Variants in MCC observed in about 807,000 individuals in gnomAD.
MCC encodes colorectal mutant cancer protein.
In MCC, 90 loss-of-function variants were observed where a neutral mutation model predicts 116.2. The ratio of observed to expected loss-of-function variants is 0.77; its 90% CI spans 0.65 to 0.92. The LOEUF (loss-of-function observed/expected upper bound fraction) is 0.92, where lower values mean the gene tolerates loss of function less well. Among genes scored for constraint, MCC ranks in the 40% least tolerant of loss-of-function variants. MCC has a pLI of 0.00. For synonymous variants in MCC, 578 were observed against 510.5 expected (o/e 1.13, Z -1.78); for missense variants, 1,516 against 1,312.2 (o/e 1.16, Z -2.40).
chr5:113,076,181 G>C (rs2150237872), intron 11 of MCC, among the ~76,000 whole-genome samples: 1 of 152,320 alleles, frequency 6.6e-6, no homozygotes, highest in Admixed American at 6.5e-5. Flanking sequence ...ATCTACATCT[G>C]ATTGGTGGAC....
intron 8 of MCC, among the ~76,000 whole-genome samples, chr5:113,087,784 T>A (rs200508879): frequency 4.0e-4 from 55 of 139,184 alleles, no homozygotes; most frequent in Non-Finnish European, 5.9e-4. Flanking sequence ...TTTTTTTTTT[T>A]TATATCTCTA....
chr5:113,045,844 C>T (rs1328113684), intron 16 of MCC, among the ~76,000 whole-genome samples: 1 of 151,886 alleles, frequency 6.6e-6, no homozygotes, highest in Non-Finnish European at 1.5e-5. Flanking sequence ...AGAACACAGC[C>T]ATGGCCACTG....
chr5:113,287,866 TTAAGA>T lies in MCC; in HGVS notation c.627+52648_627+52652del, dbSNP rs539473996. On this transcript the variant is annotated intron_variant, in intron 3 of 18. Coordinates refer to ENST00000408903, the MANE Select transcript of MCC (RefSeq NM_001085377.2). ...TAGCAACTACCTCTAAGGTGCTTCC[TTAAGA>T]TAAGAAGTCTTGGGACTTAAAAGCT... Among the ~76,000 whole-genome samples the T allele has an allele frequency of 5.3e-4, 81 of 152,360 alleles. No individual in the cohort carries two copies. The South Asian group carries it at 8.9e-3, about 17-fold the overall frequency.
At chr5:113,242,427 A>C (rs1299072075) in intron 3 of MCC, among the ~76,000 whole-genome samples, 1 of 152,224 alleles carries the variant, frequency 6.6e-6, no homozygotes, top group African/African-American at 2.4e-5. Context: ...GAATCTGAAG[A>C]GATTCAGATA....
At chr5:113,276,855 T>C (rs1313107830) in intron 3 of MCC, among the ~76,000 whole-genome samples, 2 of 149,036 alleles carry the variant, frequency 1.3e-5, no homozygotes, top group East Asian at 3.9e-4. Flanking sequence ...CCGAGGCTGG[T>C]CTACACTCCT....
At chr5:113,045,274 T>G (rs986857381) in intron 16 of MCC, among the ~76,000 whole-genome samples, 1 of 152,134 alleles carries the variant, frequency 6.6e-6, no homozygotes, top group Admixed American at 6.5e-5. Flanking sequence ...TGGATAAGAT[T>G]TGGAATCCAG....
At chr5:113,443,165 C>CTT (rs112779743) in intron 1 of MCC, among the ~76,000 whole-genome samples, 17,474 of 151,920 alleles carry the variant, frequency 0.12, 1,725 homozygotes, top group African/African-American at 0.27. Context: ...TGTGTCCTCT[C>CTT]ATTTCCTTGA....
chr5:113,436,150 T>G (rs1177983084), intron 1 of MCC: 1 of 152,506 alleles, frequency 6.6e-6, no homozygotes, highest in African/African-American at 2.4e-5. Flanking sequence ...TCAGGCTGGG[T>G]TGGGTCACCA....
intron 3 of MCC, among the ~76,000 whole-genome samples, chr5:113,169,741 G>GA (rs1760976823): frequency 6.6e-6 from 1 of 152,126 alleles, no homozygotes. Context: ...GATGACCTGG[G>GA]AAAAAAACAG....
At chr5:113,194,695 G>C (rs1762311522) in intron 3 of MCC, among the ~76,000 whole-genome samples, 1 of 152,002 alleles carries the variant, frequency 6.6e-6, no homozygotes, top group Non-Finnish European at 1.5e-5. Flanking sequence ...AAAGAAGAAA[G>C]GGGAAGGGAA....
chr5:113,102,398 A>G (rs1756477464), intron 7 of MCC, among the ~76,000 whole-genome samples: 1 of 152,222 alleles, frequency 6.6e-6, no homozygotes, highest in African/African-American at 2.4e-5. Context: ...GGCCTCCCAC[A>G]TGCCAACTCA....
chr5:113,348,312 G>A (rs1768182140), intron 2 of MCC, among the ~76,000 whole-genome samples: 1 of 151,872 alleles, frequency 6.6e-6, no homozygotes, highest in East Asian at 1.9e-4. Flanking sequence ...TATATTTTAG[G>A]TCACAAAGCA....
chr5:113,488,159 T>G, intron 1 of MCC, 86 bp downstream of exon 1: 1 of 1,326,388 alleles, frequency 7.5e-7, no homozygotes, highest in Non-Finnish European at 9.9e-7. Flanking sequence ...TTGCCGCAAG[T>G]TGGGGCGAGG....
chr5:113,261,453 G>A (rs1229933513), intron 3 of MCC, among the ~76,000 whole-genome samples: 1 of 152,110 alleles, frequency 6.6e-6, no homozygotes, highest in Non-Finnish European at 1.5e-5. Flanking sequence ...TGTGCTTCAA[G>A]AAGTTTGCCC....
At position 113,340,596 on chromosome 5, in the gene MCC, C is replaced by G. The variant is rs1026962889; in HGVS notation, c.550G>C (p.Ala184Pro). The change falls in exon 3 of 19, where the codon GCT (alanine) becomes CCT (proline). Residue 184 changes from alanine to proline, a missense_variant. Transcript: ENST00000408903. ...YGGSSLHQQA[A>P]LHKLLTQSPH... is the part of the protein sequence containing the mutation. ...GACTGTGTGAGCAGTTTGTGGAGAG[C>G]AGCCTGCTGATGCAAAGAGCTTCCG... The G allele has an allele frequency of 6.2e-6, 10 of 1,614,152 alleles. No homozygotes were observed. Among genetic ancestry groups the G allele is most frequent in the Non-Finnish European group, 8.5e-6 (10 of 1,180,026 alleles).
chr5:113,479,653 T>A (rs1772324001), intron 1 of MCC, among the ~76,000 whole-genome samples: 1 of 152,214 alleles, frequency 6.6e-6, no homozygotes, highest in Non-Finnish European at 1.5e-5. Flanking sequence ...GTTTTTTTAA[T>A]CTAATTAAAA....
chr5:113,192,030 G>A (rs1282499921), intron 3 of MCC, among the ~76,000 whole-genome samples: 3 of 152,298 alleles, frequency 2.0e-5, no homozygotes, highest in Admixed American at 6.5e-5. Flanking sequence ...TCAGTCATTT[G>A]TCAAATATGA....
chr5:113,058,220 A>G (rs958902903), intron 14 of MCC, among the ~76,000 whole-genome samples: 1 of 152,224 alleles, frequency 6.6e-6, no homozygotes, highest in African/African-American at 2.4e-5. Context: ...TAAAAATCAC[A>G]AAATTCAAAG....
intron 1 of MCC, among the ~76,000 whole-genome samples, chr5:113,484,624 A>G (rs1268185835): frequency 1.3e-5 from 2 of 152,216 alleles, no homozygotes; most frequent in Non-Finnish European, 2.9e-5. Context: ...GGCAGGATAA[A>G]GCAAATCTAT....
Sources: gnomAD v4.1 joint callset for allele counts (sites outside exome capture counted in the v4.1 genomes callset) on GRCh38, gnomAD v4.1.1 for gene constraint, MANE v1.5 for transcripts, NCBI Gene and HGNC (gene_info 2026-07-23, HGNC 2026-07-21) for gene names.